Variants in NUP43 observed in about 807,000 individuals in gnomAD.
NUP43 encodes the protein nucleoporin 43.
In NUP43, 32 loss-of-function variants were observed where a neutral mutation model predicts 47.3. The ratio of observed to expected loss-of-function variants is 0.68; its 90% CI spans 0.51 to 0.91. NUP43 has a LOEUF of 0.91. NUP43 is among the 40% of genes least tolerant of loss of function. The pLI is 0.00. For synonymous variants in NUP43, 147 were observed against 158.4 expected (o/e 0.93, Z 0.54); for missense variants, 444 against 453.9 (o/e 0.98, Z 0.20).
At chr6:149,741,663 A>G (rs1309655772) in intron 4 of NUP43, among the ~76,000 whole-genome samples, 2 of 149,546 alleles carry the variant, frequency 1.3e-5, no homozygotes, top group Non-Finnish European at 3.0e-5. Context: ...ACACCACCTC[A>G]CCCAGCTTAT....
At chr6:149,747,641 TG>T (rs1233214899), upstream of NUP43, among the ~76,000 whole-genome samples, 4 of 152,200 alleles carry the variant, frequency 2.6e-5, no homozygotes, top group Admixed American at 2.0e-4. Context: ...TTTCTTTAGA[TG>T]CATATTCCTC....
At chr6:149,745,703 T>C (rs545525055) in intron 2 of NUP43, among the ~76,000 whole-genome samples, 3 of 152,234 alleles carry the variant, frequency 2.0e-5, no homozygotes, top group Non-Finnish European at 4.4e-5. Context: ...CCCCAAACGG[T>C]ATTTAGCACA....
chr6:149,741,085 C>A (rs915963153), intron 4 of NUP43, among the ~76,000 whole-genome samples: 1 of 151,940 alleles, frequency 6.6e-6, no homozygotes, highest in African/African-American at 2.4e-5. Context: ...GTTTCTGTTT[C>A]CTCTAGTCAG....
intron 7 of NUP43, among the ~76,000 whole-genome samples, chr6:149,729,283 C>T (rs1204121310): frequency 3.3e-5 from 5 of 152,152 alleles, no homozygotes; most frequent in Admixed American, 6.6e-5. Context: ...TGAGCCACCG[C>T]GCCCGGCCTC....
intron 6 of NUP43, among the ~76,000 whole-genome samples, chr6:149,736,230 T>A (rs1343347740): frequency 6.9e-6 from 1 of 144,218 alleles, no homozygotes; most frequent in African/African-American, 2.6e-5. Context: ...TGGGCCAAGA[T>A]AGCGCCATTG....
intron 3 of NUP43, 29 bp from the exon 4 acceptor site, chr6:149,742,599 A>C: frequency 1.3e-6 from 2 of 1,581,196 alleles, no homozygotes; most frequent in Non-Finnish European, 1.7e-6. Context: ...GATACTATTA[A>C]AGCAAAGTAC....
intron 4 of NUP43, among the ~76,000 whole-genome samples, chr6:149,739,027 C>A (rs1202733518): frequency 2.0e-5 from 3 of 150,932 alleles, no homozygotes; most frequent in Admixed American, 6.6e-5. Context: ...GTTGCCCAGG[C>A]TGGACTGCAA....
At chr6:149,735,598 CAAAAAA>C (rs57726234) in intron 6 of NUP43, among the ~76,000 whole-genome samples, 2 of 51,312 alleles carry the variant, frequency 3.9e-5, no homozygotes, top group Non-Finnish European at 6.8e-5. Flanking sequence ...ACCCTGTCTC[CAAAAAA>C]AAAAAAAAAA....
At chr6:149,748,971 G>C (rs555532269), upstream of NUP43, among the ~76,000 whole-genome samples, 4 of 152,268 alleles carry the variant, frequency 2.6e-5, no homozygotes, top group Admixed American at 1.3e-4. Flanking sequence ...ATAAAGCCAC[G>C]GTGGAATTTG....
At chr6:149,735,073 C>CCTT (rs1220403349) in intron 6 of NUP43, among the ~76,000 whole-genome samples, 3 of 152,120 alleles carry the variant, frequency 2.0e-5, no homozygotes, top group African/African-American at 7.2e-5. Context: ...ATTTTTATCA[C>CCTT]TTTTCAGGGA....
chr6:149,743,796 T>C (rs931650047), intron 2 of NUP43, 81 bp from the exon 3 acceptor site: 6 of 790,836 alleles, frequency 7.6e-6, no homozygotes, highest in Non-Finnish European at 1.2e-5. Flanking sequence ...ACTCAATTAG[T>C]AGCAAATCTT....
rs1174895903 is a variant in NUP43 at position 149,724,642 on chromosome 6, G to A, written c.*2327C>T. 1.3e-5 allele frequency: 2 copies of A among 152,190 alleles called. No homozygotes were observed. Among genetic ancestry groups the A allele is most frequent in the East Asian group, 1.9e-4 (1 of 5,204 alleles). 9.4% of individuals were successfully genotyped at this position (152,190 alleles called of 1,614,324 possible). A position where few individuals can be genotyped will look rare whatever the true frequency, so the allele number is the denominator to read the frequency against. ...TCTTTTGCCCAGGCTGGAGTGAAGT[G>A]GCACGATCTTGGGTCACTGCAACCT... On this transcript the variant is annotated 3_prime_UTR_variant, in exon 8 of 8. Coordinates refer to ENST00000340413, the MANE Select transcript of NUP43 (RefSeq NM_198887.3).
intron 5 of NUP43, 118 bp from the exon 6 acceptor site, chr6:149,736,740 A>G (rs1785380382): frequency 1.2e-6 from 1 of 808,036 alleles, no homozygotes. Flanking sequence ...CCAGGCTGGA[A>G]TGCAGCGCTG....
chr6:149,739,952 T>C (rs1050785817), intron 4 of NUP43, among the ~76,000 whole-genome samples: 1 of 152,124 alleles, frequency 6.6e-6, no homozygotes. Flanking sequence ...TTTGTGCCAC[T>C]CCTCTACACT....
chr6:149,730,941 CA>C (rs149014510), intron 7 of NUP43, among the ~76,000 whole-genome samples: 4 of 144,778 alleles, frequency 2.8e-5, no homozygotes, highest in East Asian at 2.0e-4. Context: ...CTGTCTCAAA[CA>C]AAAAAAAAAC....
chr6:149,728,462 T>C, intron 7 of NUP43: 1 of 984,916 alleles, frequency 1.0e-6, no homozygotes, highest in East Asian at 1.1e-4. Flanking sequence ...ACACATGCTC[T>C]CCGCTCCAGA....
chr6:149,742,642 T>G (rs1314581768), intron 3 of NUP43, 72 bp from the exon 4 acceptor site: 1 of 1,137,766 alleles, frequency 8.8e-7, no homozygotes. Context: ...AACAAGAGTA[T>G]CTTTAAATTC....
intron 7 of NUP43, chr6:149,728,113 TTGTA>T: frequency 1.0e-6 from 1 of 985,424 alleles, no homozygotes; most frequent in Admixed American, 6.1e-5. Context: ...CCCTCAGCAC[TTGTA>T]TGTACCATTA....
At chr6:149,738,868 T>C in intron 4 of NUP43, 90 bp from the exon 5 acceptor site, 2 of 676,460 alleles carry the variant, frequency 3.0e-6, no homozygotes, top group Non-Finnish European at 2.2e-6. Flanking sequence ...TGGATTGATA[T>C]ATTACAATTT....
Sources: gnomAD v4.1 joint callset for allele counts (sites outside exome capture counted in the v4.1 genomes callset) on GRCh38, gnomAD v4.1.1 for gene constraint, MANE v1.5 for transcripts, NCBI Gene and HGNC (gene_info 2026-07-23, HGNC 2026-07-21) for gene names.